Variants in ARFGAP3 observed in about 807,000 individuals in gnomAD.
ARFGAP3 encodes ADP-ribosylation factor GTPase-activating protein 3.
A neutral mutation model predicts 75.0 loss-of-function variants in ARFGAP3; 72 were observed. The observed-to-expected ratio is 0.96, with a 90% CI of 0.79 to 1.17. ARFGAP3 has a LOEUF of 1.17. ARFGAP3 is among the 50% of genes most tolerant of loss of function. The pLI, the probability that ARFGAP3 is intolerant of heterozygous loss-of-function variation, is 0.00. For missense variants in ARFGAP3, 620 were observed against 626.6 expected (o/e 0.99, Z 0.11); for synonymous variants, 221 against 217.9 (o/e 1.01, Z -0.13).
chr22:42,822,833 AG>A (rs1363463951), intron 8 of ARFGAP3, among the ~76,000 whole-genome samples: 4 of 151,848 alleles, frequency 2.6e-5, no homozygotes, highest in Non-Finnish European at 5.9e-5. Flanking sequence ...TTTTTGAGAC[AG>A]GCTCTCATGC....
chr22:42,804,373 C>T (rs1277604370), intron 14 of ARFGAP3, among the ~76,000 whole-genome samples: 1 of 125,364 alleles, frequency 8.0e-6, no homozygotes, highest in Non-Finnish European at 1.7e-5. Flanking sequence ...CCACACCCAG[C>T]TAATTTTTTT....
At chr22:42,823,465 C>A (rs1316578992) in intron 8 of ARFGAP3, among the ~76,000 whole-genome samples, 191 bp downstream of exon 8, 1 of 151,898 alleles carries the variant, frequency 6.6e-6, no homozygotes, top group Non-Finnish European at 1.5e-5. Context: ...AATAATCATT[C>A]TAGAAAAAAT....
intron 14 of ARFGAP3, among the ~76,000 whole-genome samples, chr22:42,803,883 T>C (rs1045908199): frequency 6.7e-6 from 1 of 150,026 alleles, no homozygotes; most frequent in South Asian, 2.1e-4. Context: ...CCTTCCTTCC[T>C]TCCCTCCCTC....
At chr22:42,808,397 CAA>C (rs200499015) in intron 13 of ARFGAP3, among the ~76,000 whole-genome samples, 1 of 122,062 alleles carries the variant, frequency 8.2e-6, no homozygotes, top group Non-Finnish European at 1.9e-5. Context: ...GGCTCCGTCT[CAA>C]AAAAAAAAAA....
At chr22:42,823,504 C>T (rs1925901839) in intron 8 of ARFGAP3, 152 bp downstream of exon 8, 1 of 376,236 alleles carries the variant, frequency 2.7e-6, no homozygotes, top group Non-Finnish European at 4.9e-6. Flanking sequence ...ATCTCTTTGA[C>T]ATTAATCTCT....
At chr22:42,816,493 C>T (rs566621331) in intron 11 of ARFGAP3, among the ~76,000 whole-genome samples, 3 of 152,248 alleles carry the variant, frequency 2.0e-5, no homozygotes, top group Non-Finnish European at 2.9e-5. Context: ...CTCACTGGGC[C>T]GAGCAGGTCC....
Position 42,817,778 on chromosome 22 carries a change from T to A in ARFGAP3, c.892A>T (p.Lys298Ter). The A allele has an allele frequency of 6.2e-7, 1 of 1,613,668 alleles. No homozygotes were observed. Among genetic ancestry groups the A allele is most frequent in the South Asian group, 1.1e-5 (1 of 91,050 alleles). ...CCGAGTCTGTCTGAGTCAACATTTT[T>A]TTTGCCACTAATGTTCATCTTTTCG... ...KDEKMNISGK[K>*]NVDSDRLGMG... Residue 298 changes from lysine (K) to a stop codon, truncating the protein, a stop_gained, in exon 10 of 16, where the codon AAA becomes TAA. Coordinates refer to ENST00000263245, the MANE Select transcript of ARFGAP3 (RefSeq NM_014570.5). LOFTEE classifies it high-confidence loss of function.
intron 1 of ARFGAP3, among the ~76,000 whole-genome samples, chr22:42,848,541 C>A (rs1927127633): frequency 6.6e-6 from 1 of 152,190 alleles, no homozygotes; most frequent in Admixed American, 6.5e-5. Flanking sequence ...GCACACTATA[C>A]ATAGTGAAGA....
chr22:42,851,171 G>A (rs1927261430), intron 1 of ARFGAP3, among the ~76,000 whole-genome samples: 1 of 152,222 alleles, frequency 6.6e-6, no homozygotes, highest in Non-Finnish European at 1.5e-5. Flanking sequence ...GGTTCAGGAA[G>A]TCTGCCCACA....
chr22:42,821,828 T>C (rs936819161), intron 9 of ARFGAP3, among the ~76,000 whole-genome samples: 7 of 152,208 alleles, frequency 4.6e-5, no homozygotes, highest in African/African-American at 1.7e-4. Flanking sequence ...TTCACAACAG[T>C]GGCACCATTT....
intron 9 of ARFGAP3, 84 bp from the exon 10 acceptor site, chr22:42,817,941 T>G: frequency 7.4e-7 from 1 of 1,352,824 alleles, no homozygotes; most frequent in African/African-American, 1.5e-5. Context: ...AAACATGTAA[T>G]TTATACTTTT....
intron 1 of ARFGAP3, among the ~76,000 whole-genome samples, chr22:42,854,174 T>C (rs1436080123): frequency 6.6e-6 from 1 of 152,218 alleles, no homozygotes; most frequent in Non-Finnish European, 1.5e-5. Flanking sequence ...ATAAGTTCCC[T>C]GAGGACAGGA....
chr22:42,800,382 T>G (rs1402689392), intron 14 of ARFGAP3, among the ~76,000 whole-genome samples: 1 of 152,046 alleles, frequency 6.6e-6, no homozygotes, highest in African/African-American at 2.4e-5. Flanking sequence ...ATACAAAAAA[T>G]TAGCTGGGCA....
chr22:42,817,920 C>A (rs1484169084), intron 9 of ARFGAP3, 63 bp from the exon 10 acceptor site: 11 of 1,364,454 alleles, frequency 8.1e-6, no homozygotes, highest in Non-Finnish European at 9.6e-6. Context: ...ATTAAAATAG[C>A]AAGCAAAATT....
At chr22:42,835,335 G>C (rs771484506) in intron 4 of ARFGAP3, 27 bp downstream of exon 4, 2 of 1,609,168 alleles carry the variant, frequency 1.2e-6, no homozygotes, top group Non-Finnish European at 1.7e-6. Flanking sequence ...GTATCTAAAG[G>C]AAACAATCCA....
In ARFGAP3 at chr22:42,817,762, T is replaced by C. The variant is rs564205489; in HGVS notation, c.908A>G (p.Asp303Gly). ...ATTTCCAAATCCCATGCCGAGTCTG[T>C]CTGAGTCAACATTTTTTTTGCCACT... ...NISGKKNVDS[D>G]RLGMGFGNCR... The change falls in exon 10 of 16, where the codon GAC becomes GGC. Residue 303 changes from aspartate to glycine, a missense_variant. By Grantham distance (94) the Asp-to-Gly change is moderately conservative. Coordinates refer to ENST00000263245, the MANE Select transcript of ARFGAP3 (RefSeq NM_014570.5). 14 of 1,613,452 alleles carry C rather than the reference T, an allele frequency of 8.7e-6. No individual in the cohort carries two copies. In the African/African-American group the frequency reaches 1.7e-4, roughly 20 times the overall value.
At chr22:42,835,291 A>G in intron 4 of ARFGAP3, 71 bp downstream of exon 4, 3 of 1,549,206 alleles carry the variant, frequency 1.9e-6, no homozygotes, top group Non-Finnish European at 2.6e-6. Flanking sequence ...TTTACTATTC[A>G]GGATAAAAAT....
chr22:42,842,104 A>G (rs1447437513), intron 2 of ARFGAP3, among the ~76,000 whole-genome samples: 2 of 147,042 alleles, frequency 1.4e-5, no homozygotes, highest in Admixed American at 1.4e-4. Context: ...TCCTGGGTTC[A>G]AGTGATTCTC....
chr22:42,812,966 G>A (rs1925432522), intron 11 of ARFGAP3, among the ~76,000 whole-genome samples: 1 of 152,268 alleles, frequency 6.6e-6, no homozygotes, highest in Admixed American at 6.5e-5. Context: ...TTTCAGAGAA[G>A]AGAGATCAGG....
Sources: gnomAD v4.1 joint callset for allele counts (sites outside exome capture counted in the v4.1 genomes callset) on GRCh38, gnomAD v4.1.1 for gene constraint, MANE v1.5 for transcripts, NCBI Gene and HGNC (gene_info 2026-07-23, HGNC 2026-07-21) for gene names.